The following CASK variants were observed in gnomAD, a reference collection of about 807,000 sequenced individuals.
CASK encodes calcium/calmodulin dependent serine protein kinase, also known as peripheral plasma membrane protein CASK.
In CASK, 4 loss-of-function variants were observed where a neutral mutation model predicts 82.9. The observed-to-expected ratio is 0.05, with a 90% CI of 0.02 to 0.11. The LOEUF (loss-of-function observed/expected upper bound fraction) is 0.11, where lower values mean the gene tolerates loss of function less well. Ranked by LOEUF, CASK falls within the 10% of genes least tolerant of loss-of-function variation. The pLI, the probability that CASK is intolerant of heterozygous loss-of-function variation, is 1.00. For synonymous variants in CASK, 259 were observed against 253.5 expected, an observed-to-expected ratio of 1.02 and a Z score of -0.20; for missense variants, 358 against 720.9, an observed-to-expected ratio of 0.50 and a Z score of 5.76.
intron 2 of CASK, among the ~76,000 whole-genome samples, chrX:41,807,781 C>T (rs1402082690): frequency 9.0e-6 from 1 of 111,690 alleles, no homozygotes; most frequent in African/African-American, 3.3e-5. Flanking sequence ...AACTAGCCCA[C>T]TCTCGCGATA....
In CASK at chrX:41,915,651, G is replaced by A. The variant is rs779599681; in HGVS notation, c.59+7279C>T. On this transcript the variant is annotated intron_variant, in intron 1 of 26. Coordinates refer to ENST00000378163, the MANE Select transcript of CASK (RefSeq NM_001367721.1). ...GACCAAGGCAGGTGGATCACCTGAC[G>A]TCAGGAGTTCGAGACCAGCCTGGTG... Among the ~76,000 whole-genome samples, 18 of 110,076 alleles carry A rather than the reference G, an allele frequency of 1.6e-4. No homozygotes were observed. In the East Asian group the frequency reaches 2.9e-3, roughly 18 times the overall value.
intron 11 of CASK, among the ~76,000 whole-genome samples, chrX:41,612,702 T>TGG (rs1243982612): frequency 2.9e-5 from 1 of 34,239 alleles, no homozygotes; most frequent in African/African-American, 1.2e-4. Flanking sequence ...GGGAGGGAGG[T>TGG]GGGGGGGTCA....
chrX:41,684,497 T>C (rs2067410368), intron 5 of CASK, among the ~76,000 whole-genome samples: 2 of 111,777 alleles, frequency 1.8e-5, no homozygotes, highest in South Asian at 7.6e-4. Context: ...ATCTTGTTTT[T>C]AATATATATA....
chrX:41,766,447 A>G (rs780355578), intron 3 of CASK, among the ~76,000 whole-genome samples: 3 of 112,500 alleles, frequency 2.7e-5, no homozygotes, highest in Non-Finnish European at 5.6e-5. Context: ...TTTCAAAAGT[A>G]GAAAATACAG....
intron 1 of CASK, among the ~76,000 whole-genome samples, chrX:41,899,184 G>C (rs2072324118): frequency 9.0e-6 from 1 of 111,249 alleles, no homozygotes; most frequent in East Asian, 2.8e-4. Context: ...TTTGTCTCTT[G>C]TGACAGTTTT....
intron 12 of CASK, among the ~76,000 whole-genome samples, chrX:41,602,839 C>A (rs1242406066): frequency 9.2e-6 from 1 of 109,289 alleles, no homozygotes. Flanking sequence ...TTGTTTCATG[C>A]CGTACTTTTA....
chrX:41,616,889 G>A (rs770138794), intron 11 of CASK, among the ~76,000 whole-genome samples: 8 of 112,408 alleles, frequency 7.1e-5, no homozygotes, highest in South Asian at 3.6e-4. Context: ...GATTACTGGC[G>A]TGAGCCACAG....
chrX:41,913,899 G>A (rs780770567), intron 1 of CASK, among the ~76,000 whole-genome samples: 31 of 111,765 alleles, frequency 2.8e-4, no homozygotes, highest in African/African-American at 9.1e-4. Context: ...CAGAGCAACC[G>A]CATTCCATAC....
chrX:41,523,942 G>A lies in CASK; in HGVS notation c.2604+9C>T, dbSNP rs1397554287. 5 of 1,161,457 alleles carry A rather than the reference G, an allele frequency of 4.3e-6. No homozygotes were observed. Among genetic ancestry groups the A allele is most frequent in the Non-Finnish European group, 1.2e-6 (1 of 854,452 alleles). On this transcript the variant is annotated intron_variant, in intron 26 of 26. Transcript: ENST00000378163. ...CAGCTTATTTGGGGAAAAACAGATT[G>A]ATTCTTACCTCATTTAAACCTGGAG...
At chrX:41,776,146 A>T (rs750669502) in intron 3 of CASK, among the ~76,000 whole-genome samples, 70 of 112,433 alleles carry the variant, frequency 6.2e-4, no homozygotes, top group African/African-American at 2.2e-3. Flanking sequence ...GCTGTATATA[A>T]TTGTATGTGT....
intron 3 of CASK, among the ~76,000 whole-genome samples, chrX:41,753,684 G>A (rs1294659982): frequency 3.6e-5 from 4 of 111,750 alleles, no homozygotes; most frequent in South Asian, 3.7e-4. Context: ...CCAGGAGTTC[G>A]ATATCAGCCT....
At chrX:41,830,544 G>T (rs1185374372) in intron 2 of CASK, among the ~76,000 whole-genome samples, 1 of 111,368 alleles carries the variant, frequency 9.0e-6, no homozygotes, top group Non-Finnish European at 1.9e-5. Flanking sequence ...TAGATGGCCG[G>T]GTGCGGTGGC....
intron 1 of CASK, among the ~76,000 whole-genome samples, chrX:41,894,537 G>T (rs1333959433): frequency 9.7e-6 from 1 of 103,579 alleles, no homozygotes; most frequent in African/African-American, 3.5e-5. Context: ...CAGAAATGTA[G>T]TCCAGGCTGT....
Position 41,520,613 on chromosome X carries a change from T to C in CASK, c.2605-17A>G, listed in dbSNP as rs1043525229. 4 of 1,181,102 alleles carry C rather than the reference T, an allele frequency of 3.4e-6. No homozygotes were observed. The highest frequency in any genetic ancestry group is 3.5e-5 in the African/African-American group (2 of 56,639). On this transcript the variant is annotated splice_polypyrimidine_tract_variant and intron_variant, in intron 26 of 26. Transcript: ENST00000378163. ...AGATTCATCCTAAATGGTGATGAGA[T>C]GGAGGTAGGGGTGGGCATGAGAGGA...
chrX:41,594,601 G>A (rs1329662055), intron 12 of CASK, among the ~76,000 whole-genome samples: 4 of 111,893 alleles, frequency 3.6e-5, no homozygotes, highest in Non-Finnish European at 7.5e-5. Flanking sequence ...CATGACTGGA[G>A]GCCGCCTGGG....
chrX:41,584,919 GTTTC>G (rs2065634823), intron 14 of CASK: 1 of 112,730 alleles, frequency 8.9e-6, no homozygotes, highest in Admixed American at 9.4e-5. Flanking sequence ...AAAGCATATA[GTTTC>G]TTTATTCTCC....
At chrX:41,616,000 CA>C (rs1425582773) in intron 11 of CASK, among the ~76,000 whole-genome samples, 1 of 111,513 alleles carries the variant, frequency 9.0e-6, no homozygotes, top group East Asian at 2.8e-4. Flanking sequence ...AAAGCAAAAA[CA>C]ACCTTTTATC....
chrX:41,744,148 T>C (rs1456035009), intron 4 of CASK, among the ~76,000 whole-genome samples: 1 of 108,337 alleles, frequency 9.2e-6, no homozygotes, highest in Non-Finnish European at 1.9e-5. Flanking sequence ...AAAAACTTAA[T>C]ATGTTTGTGA....
chrX:41,600,598 C>G (rs2065879797), intron 12 of CASK, among the ~76,000 whole-genome samples: 1 of 112,218 alleles, frequency 8.9e-6, no homozygotes, highest in African/African-American at 3.2e-5. Context: ...TCTTGGTATT[C>G]TAGAGTAAAT....
Sources: allele counts gnomAD v4.1 joint callset (sites outside exome capture counted in the v4.1 genomes callset), GRCh38; gene constraint gnomAD v4.1.1; transcripts MANE v1.5; gene names NCBI Gene and HGNC (gene_info 2026-07-23, HGNC 2026-07-21).